The following SLC24A2 variants were observed in gnomAD, a reference collection of about 807,000 sequenced individuals.
The protein encoded by SLC24A2 is sodium/potassium/calcium exchanger 2.
A neutral mutation model predicts 62.0 loss-of-function variants in SLC24A2; 36 were observed. The ratio of observed to expected loss-of-function variants is 0.58; its 90% CI spans 0.44 to 0.77. The LOEUF is 0.77. Among genes scored for constraint, SLC24A2 ranks in the 30% least tolerant of loss-of-function variants. The pLI is 0.00. For missense variants in SLC24A2, 846 were observed against 817.9 expected, an observed-to-expected ratio of 1.03 and a Z score of -0.42; for synonymous variants, 358 against 294.0, an observed-to-expected ratio of 1.22 and a Z score of -2.23.
the SLC24A2 span, among the ~76,000 whole-genome samples, chr9:19,888,031 C>G: frequency 6.6e-6 from 1 of 152,168 alleles, no homozygotes; most frequent in East Asian, 1.9e-4. Context: ...TCAGTGTCTA[C>G]TTCTCGTTGA....
chr9:20,290,120 G>C, the SLC24A2 span, among the ~76,000 whole-genome samples: 1 of 152,096 alleles, frequency 6.6e-6, no homozygotes, highest in African/African-American at 2.4e-5. Context: ...TCCCCAGCTC[G>C]GCAGAGTGGC....
chr9:19,686,902 G>T (rs1819897679), intron 2 of SLC24A2, among the ~76,000 whole-genome samples: 1 of 152,040 alleles, frequency 6.6e-6, no homozygotes, highest in Non-Finnish European at 1.5e-5. Context: ...TCAACAGTAG[G>T]CTGGCTAAAG....
chr9:20,281,137 A>C, the SLC24A2 span, among the ~76,000 whole-genome samples: 1 of 151,858 alleles, frequency 6.6e-6, no homozygotes, highest in East Asian at 1.9e-4. Context: ...ACCATCTTGC[A>C]CAAGCAGTTC....
At chr9:19,766,982 AT>A (rs1822536058) in intron 2 of SLC24A2, among the ~76,000 whole-genome samples, 1 of 152,186 alleles carries the variant, frequency 6.6e-6, no homozygotes, top group African/African-American at 2.4e-5. Flanking sequence ...TCTTTCAGTG[AT>A]GCCCTGCCCA....
chr9:19,577,435 C>G (rs144851645), intron 5 of SLC24A2, among the ~76,000 whole-genome samples: 274 of 152,298 alleles, frequency 1.8e-3, no homozygotes, highest in African/African-American at 6.4e-3. Context: ...GATTTGACTT[C>G]AGTTTTCAAA....
intron 2 of SLC24A2, among the ~76,000 whole-genome samples, chr9:19,695,048 C>G (rs1820146726): frequency 6.8e-6 from 1 of 147,062 alleles, no homozygotes; most frequent in Non-Finnish European, 1.5e-5. Flanking sequence ...ATATATTTAT[C>G]CTAGAGCAGC....
At chr9:19,604,338 G>A (rs954682547) in intron 4 of SLC24A2, among the ~76,000 whole-genome samples, 3 of 152,116 alleles carry the variant, frequency 2.0e-5, no homozygotes, top group Admixed American at 2.0e-4. Flanking sequence ...GAGCCATCAG[G>A]AGAGTCCTCA....
chr9:19,902,162 T>C, the SLC24A2 span, among the ~76,000 whole-genome samples: 3 of 152,074 alleles, frequency 2.0e-5, no homozygotes, highest in Non-Finnish European at 4.4e-5. Context: ...GTGTCTAAAC[T>C]GCAAAAAGGG....
the SLC24A2 span, among the ~76,000 whole-genome samples, chr9:20,217,534 C>T: frequency 6.6e-6 from 1 of 152,106 alleles, no homozygotes; most frequent in African/African-American, 2.4e-5. Context: ...CAAGCTGGTG[C>T]TGGGAGCAGG....
At chr9:19,534,993 T>G (rs562428215) in intron 8 of SLC24A2, among the ~76,000 whole-genome samples, 2 of 152,326 alleles carry the variant, frequency 1.3e-5, no homozygotes, top group South Asian at 4.1e-4. Context: ...AAAGTGTTCC[T>G]ATTTCACCAC....
chr9:19,973,503 G>T, the SLC24A2 span, among the ~76,000 whole-genome samples: 2 of 152,174 alleles, frequency 1.3e-5, no homozygotes, highest in Non-Finnish European at 2.9e-5. Context: ...GTAGATAGAC[G>T]TGGGCGTTGG....
chr9:20,088,669 AC>A, the SLC24A2 span, among the ~76,000 whole-genome samples: 3 of 151,676 alleles, frequency 2.0e-5, no homozygotes, highest in African/African-American at 7.3e-5. Flanking sequence ...GTTGGAGCAG[AC>A]CCCCCCAAAG....
chr9:19,836,820 A>C, the SLC24A2 span, among the ~76,000 whole-genome samples: 1 of 152,204 alleles, frequency 6.6e-6, no homozygotes, highest in Admixed American at 6.5e-5. Flanking sequence ...ATTGATGCAA[A>C]AATCCTCAAT....
intron 7 of SLC24A2, among the ~76,000 whole-genome samples, chr9:19,550,557 A>G (rs557736994): frequency 6.6e-6 from 1 of 152,212 alleles, no homozygotes; most frequent in Non-Finnish European, 1.5e-5. Context: ...TACAACTACA[A>G]TTCACGAGCT....
At position 19,521,812 on chromosome 9, in the gene SLC24A2, G is replaced by A. The variant is rs528510676; in HGVS notation, c.1570-752C>T. The stretch of plus-strand genomic sequence containing the variant: ...TGATAATCTGTGACAGACTCTTTGT[G>A]AATAGTACATTATTATTGAAAAGCA... On this transcript the variant is annotated intron_variant, in intron 9 of 10. Transcript: ENST00000341998. Among the ~76,000 whole-genome samples the A allele has an allele frequency of 1.2e-4, 18 of 151,454 alleles. 1 individual carries two copies. The South Asian group carries it at 3.6e-3, about 30-fold the overall frequency.
At chr9:19,530,939 G>C (rs183674945) in intron 8 of SLC24A2, among the ~76,000 whole-genome samples, 1 of 152,134 alleles carries the variant, frequency 6.6e-6, no homozygotes, top group Admixed American at 6.5e-5. Context: ...AGATTATACT[G>C]ACTCTTTCCT....
the SLC24A2 span, among the ~76,000 whole-genome samples, chr9:19,809,911 C>G: frequency 2.6e-5 from 4 of 152,110 alleles, no homozygotes; most frequent in Non-Finnish European, 5.9e-5. Flanking sequence ...AACCTCCACT[C>G]CTAAACTACT....
At chr9:19,754,617 C>T (rs1459089849) in intron 2 of SLC24A2, among the ~76,000 whole-genome samples, 6 of 150,990 alleles carry the variant, frequency 4.0e-5, no homozygotes, top group Admixed American at 1.3e-4. Flanking sequence ...GGCTGTGTTT[C>T]TGCTCTTTCT....
the SLC24A2 span, among the ~76,000 whole-genome samples, chr9:20,171,925 G>C: frequency 6.6e-6 from 1 of 151,916 alleles, no homozygotes; most frequent in Admixed American, 6.6e-5. Flanking sequence ...CTATTCATCA[G>C]TGCATGGAAC....
Sources: allele counts gnomAD v4.1 joint callset (sites outside exome capture counted in the v4.1 genomes callset), GRCh38; gene constraint gnomAD v4.1.1; transcripts MANE v1.5; gene names NCBI Gene and HGNC (gene_info 2026-07-23, HGNC 2026-07-21).